Variants in KDELR3 observed in about 807,000 individuals in gnomAD.
The protein encoded by KDELR3 is KDEL endoplasmic reticulum protein retention receptor 3.
In KDELR3, 26 loss-of-function variants were observed where a neutral mutation model predicts 22.7. The observed-to-expected ratio is 1.15, with a 90% CI of 0.84 to 1.59. The LOEUF (loss-of-function observed/expected upper bound fraction) is 1.59. Among genes scored for constraint, KDELR3 ranks in the 40% most tolerant of loss-of-function variants. KDELR3 has a pLI of 0.00. For synonymous variants in KDELR3, 120 were observed against 98.2 expected (o/e 1.22, Z -1.31); for missense variants, 289 against 251.1 (o/e 1.15, Z -1.02).
At chr22:38,481,523 A>G (rs764153917) in intron 4 of KDELR3, 59 bp downstream of exon 4, 23 of 1,610,610 alleles carry the variant, frequency 1.4e-5, no homozygotes, top group South Asian at 5.5e-5. Flanking sequence ...CATCCATTTA[A>G]TAAGTATTCC....
At chr22:38,471,262 G>A (rs969306650) in intron 1 of KDELR3, among the ~76,000 whole-genome samples, 11 of 152,208 alleles carry the variant, frequency 7.2e-5, no homozygotes, top group Non-Finnish European at 1.5e-4. Context: ...AGAGGGGTAG[G>A]GGAAGGCCCA....
chr22:38,477,572 C>T (rs2089568997), intron 2 of KDELR3, among the ~76,000 whole-genome samples: 1 of 152,164 alleles, frequency 6.6e-6, no homozygotes, highest in South Asian at 2.1e-4. Context: ...TTGAGAAGAT[C>T]ACATGAGATA....
intron 3 of KDELR3, among the ~76,000 whole-genome samples, chr22:38,480,419 T>C (rs894956993): frequency 3.3e-5 from 5 of 152,140 alleles, no homozygotes; most frequent in African/African-American, 7.2e-5. Context: ...TCTCGGATTA[T>C]AGGTGTGAGC....
chr22:38,480,557 C>T (rs1035638817), intron 3 of KDELR3, among the ~76,000 whole-genome samples: 1 of 151,638 alleles, frequency 6.6e-6, no homozygotes, highest in South Asian at 2.1e-4. Context: ...ACCATCCTGG[C>T]TAACACAGTG....
In KDELR3 at chr22:38,481,276, G is replaced by C; in HGVS notation, c.416G>C (p.Ser139Thr). ...VAILPQLFMI[S>T]KTGEAETITT... ...ATCCTGCCCCAGCTCTTCATGATCA[G>C]CAAGACTGGAGAGGCTGAGACCATA... The change falls in exon 4 of 5, where the codon AGC becomes ACC. Residue 139 changes from serine (S) to threonine (T), a missense_variant. Transcript: ENST00000216014. The C allele has an allele frequency of 6.2e-7, 1 of 1,614,178 alleles. No individual in the cohort carries two copies. The highest frequency in any genetic ancestry group is 8.5e-7 in the Non-Finnish European group (1 of 1,180,028).
intron 1 of KDELR3, 191 bp from the exon 2 acceptor site, chr22:38,474,332 G>C (rs1054242871): frequency 2.4e-5 from 13 of 540,912 alleles, no homozygotes; most frequent in Non-Finnish European, 4.0e-5. Context: ...TGAGAGGAAC[G>C]ACGACTCAAG....
At chr22:38,478,627 TGA>T (rs1188187669) in intron 2 of KDELR3, among the ~76,000 whole-genome samples, 3 of 113,654 alleles carry the variant, frequency 2.6e-5, no homozygotes, top group African/African-American at 6.5e-5. Flanking sequence ...ACAGCATCTG[TGA>T]TTTTTTTTTT....
intron 1 of KDELR3, chr22:38,474,230 C>T: frequency 3.4e-6 from 1 of 292,424 alleles, no homozygotes; most frequent in Non-Finnish European, 6.5e-6. Flanking sequence ...ACATCCTCCC[C>T]AGAGCAAGAG....
chr22:38,473,316 T>C (rs1248908820), intron 1 of KDELR3, among the ~76,000 whole-genome samples: 1 of 152,026 alleles, frequency 6.6e-6, no homozygotes, highest in African/African-American at 2.4e-5. Flanking sequence ...GGTTTGTGTC[T>C]GTAGTTACCA....
chr22:38,475,700 C>T (rs983990103), intron 2 of KDELR3, among the ~76,000 whole-genome samples: 3 of 152,048 alleles, frequency 2.0e-5, no homozygotes, highest in African/African-American at 7.2e-5. Flanking sequence ...AATCTCAGCT[C>T]ACTGCAGCCT....
At position 38,482,883 on chromosome 22, in the gene KDELR3, G is replaced by C. The variant is rs979738167; in HGVS notation, c.*347G>C. 1.9e-5 allele frequency: 5 copies of C among 263,838 alleles called. No homozygotes were observed. Among genetic ancestry groups the C allele is most frequent in the South Asian group, 1.1e-4 (1 of 9,222 alleles). 16.3% of individuals were successfully genotyped at this position (263,838 alleles called of 1,614,324 possible). A position where few individuals can be genotyped will look rare whatever the true frequency, so the allele number is the denominator to read the frequency against. ...TGATGAGCAAGTCAACCCCAATCTG[G>C]AACAATGTCCCTCCTCTTAGAATGT... On this transcript the variant is annotated 3_prime_UTR_variant, in exon 5 of 5. Coordinates refer to ENST00000216014, the MANE Select transcript of KDELR3 (RefSeq NM_006855.4).
Position 38,482,928 on chromosome 22 carries a change from AAAT to A in KDELR3, c.*394_*396del, listed in dbSNP as rs1282362916. On this transcript the variant is annotated 3_prime_UTR_variant, in exon 5 of 5. Transcript: ENST00000216014. ...GAATGTCCCAACTAAAGACCAGTTAAAATATTAGGGTACGTTCTTGTGAATTTC... is the reference window on the plus strand; with the variant it reads ...GAATGTCCCAACTAAAGACCAGTTAAATTAGGGTACGTTCTTGTGAATTTC... 2.6e-5 allele frequency: 5 copies of A among 193,148 alleles called. No homozygotes were observed. The highest frequency in any genetic ancestry group is 5.3e-5 in the Non-Finnish European group (5 of 95,034). The allele number at this position is 193,148 out of a possible 1,614,324, so 12.0% of individuals were successfully genotyped here. A position where few individuals can be genotyped will look rare whatever the true frequency, so the allele number is the denominator to read the frequency against.
At chr22:38,469,193 G>A (rs7284128) in intron 1 of KDELR3, among the ~76,000 whole-genome samples, 18 of 152,234 alleles carry the variant, frequency 1.2e-4, no homozygotes, top group Non-Finnish European at 2.4e-4. Context: ...GTGTGCTGTG[G>A]AGGGCTCCGG....
In KDELR3 at chr22:38,481,580, T is replaced by G. The variant is rs564391085; in HGVS notation, c.604+116T>G. 2.2e-5 allele frequency: 34 copies of G among 1,540,272 alleles called. No homozygotes were observed. The African/African-American group carries it at 4.1e-4, about 19-fold the overall frequency. On this transcript the variant is annotated intron_variant, in intron 4 of 4. Coordinates refer to ENST00000216014, the MANE Select transcript of KDELR3 (RefSeq NM_006855.4). ...TCAAGTCTCTGCCATCCACAATGCT[T>G]GTGTTCTAATGCAAGAAGACAAATA...
In KDELR3 at chr22:38,482,561, TTA is replaced by T; in HGVS notation, c.*26_*27del. ...AGGACCTTCAGAGACAGTCTACGCCTTAACAAGCACATGAAGGAAACTATTTT... is the reference window on the plus strand; with the variant it reads ...AGGACCTTCAGAGACAGTCTACGCCTACAAGCACATGAAGGAAACTATTTT... On this transcript the variant is annotated 3_prime_UTR_variant, in exon 5 of 5. Coordinates refer to ENST00000216014, the MANE Select transcript of KDELR3 (RefSeq NM_006855.4). 1 of 1,590,266 alleles carries T rather than the reference TTA, an allele frequency of 6.3e-7. No individual in the cohort carries two copies. The highest frequency in any genetic ancestry group is 8.6e-7 in the Non-Finnish European group (1 of 1,159,870).
At chr22:38,473,923 G>A (rs6001133) in intron 1 of KDELR3, among the ~76,000 whole-genome samples, 2,928 of 151,952 alleles carry the variant, frequency 0.019, 114 homozygotes, top group African/African-American at 0.067. Context: ...GTGGTGAGCC[G>A]AGATCACGCC....
chr22:38,480,883 A>G (rs1046934303), intron 3 of KDELR3, among the ~76,000 whole-genome samples: 2 of 152,096 alleles, frequency 1.3e-5, no homozygotes, highest in Middle Eastern at 3.2e-3. Context: ...GCAAGCTATG[A>G]TCATGCCACT....
intron 1 of KDELR3, among the ~76,000 whole-genome samples, chr22:38,472,479 AAAAT>A (rs917546793): frequency 1.1e-4 from 16 of 152,044 alleles, no homozygotes; most frequent in East Asian, 3.9e-4. Context: ...TCTGTCTCAA[AAAAT>A]AAATAAATAA....
intron 4 of KDELR3, chr22:38,481,776 A>T: frequency 1.5e-6 from 1 of 680,304 alleles, no homozygotes; most frequent in Admixed American, 3.7e-5. Flanking sequence ...ATGGACAAAA[A>T]GCCTAGTGGG....
Sources: gnomAD v4.1 joint callset for allele counts (sites outside exome capture counted in the v4.1 genomes callset) on GRCh38, gnomAD v4.1.1 for gene constraint, MANE v1.5 for transcripts, NCBI Gene and HGNC (gene_info 2026-07-23, HGNC 2026-07-21) for gene names.